Variants in TRIM77 observed in about 807,000 individuals in gnomAD.
TRIM77 encodes the protein tripartite motif-containing protein 77.
TRIM77 carries 23 observed loss-of-function variants against 31.8 expected under a neutral mutation model. That is an observed-to-expected ratio of 0.72 (90% CI 0.52 to 1.02). TRIM77 has a LOEUF of 1.02. Ranked by LOEUF, TRIM77 falls within the 50% of genes least tolerant of loss-of-function variation. The pLI, the probability that TRIM77 is intolerant of heterozygous loss-of-function variation, is 0.00. For missense variants in TRIM77, 446 were observed against 539.2 expected (o/e 0.83, Z 1.71); for synonymous variants, 159 against 183.1 (o/e 0.87, Z 1.06).
At chr11:89,715,790 C>G (rs1287383947) in intron 4 of TRIM77, 100 bp from the exon 5 acceptor site, 2 of 720,612 alleles carry the variant, frequency 2.8e-6, no homozygotes, top group Non-Finnish European at 4.6e-6. Flanking sequence ...AAGTCACACT[C>G]TTCAACCTAA....
intron 4 of TRIM77, 117 bp downstream of exon 4, chr11:89,715,297 C>A: frequency 1.0e-6 from 1 of 953,186 alleles, no homozygotes; most frequent in South Asian, 1.6e-5. Flanking sequence ...CCTTTCTTAT[C>A]AAAGGTCATC....
At position 89,717,417 on chromosome 11, in the gene TRIM77, A is replaced by T. The variant is rs766328763; in HGVS notation, c.898A>T (p.Lys300Ter). 103 of 1,551,122 alleles carry T rather than the reference A, an allele frequency of 6.6e-5. No homozygotes were observed. Among genetic ancestry groups the T allele is most frequent in the Non-Finnish European group, 8.6e-5 (99 of 1,146,790 alleles). ...GGATCGTAAGATATGCAGTAATCAC[A>T]AGCTTCTGTTCGAAGACCTAAGGCA... ...TLDRKICSNH[K>*]LLFEDLRHLQ... Residue 300 changes from lysine (K) to a stop codon, truncating the protein, a stop_gained, in exon 6 of 6, where the codon AAG (lysine) becomes TAG (stop). Coordinates refer to ENST00000398290, the MANE Select transcript of TRIM77 (RefSeq NM_001146162.1). LOFTEE classifies it low-confidence loss of function (END_TRUNC).
chr11:89,713,456 AATAATAATAAT>A (rs1565425770), intron 2 of TRIM77, among the ~76,000 whole-genome samples: 30 of 19,048 alleles, frequency 1.6e-3, no homozygotes, highest in South Asian at 0.01. Flanking sequence ...ACCTTGTCTC[AATAATAATAAT>A]AATAATAATA....
chr11:89,713,913 A>G (rs1482409750), intron 2 of TRIM77, among the ~76,000 whole-genome samples: 2 of 152,216 alleles, frequency 1.3e-5, no homozygotes, highest in Non-Finnish European at 2.9e-5. Context: ...AGGTTAGAAC[A>G]TTATATAAGA....
chr11:89,714,138 G>A (rs1378726576), intron 2 of TRIM77, 54 bp from the exon 3 acceptor site: 1 of 1,212,878 alleles, frequency 8.2e-7, no homozygotes, highest in East Asian at 2.5e-5. Flanking sequence ...TAGCTGATAA[G>A]GAAAGAATAA....
In TRIM77 at chr11:89,710,626, C is replaced by G; in HGVS notation, c.328C>G (p.Leu110Val). The G allele has an allele frequency of 6.4e-7, 1 of 1,551,302 alleles. No individual in the cohort carries two copies. The highest frequency in any genetic ancestry group is 8.7e-7 in the Non-Finnish European group (1 of 1,146,760). ...CCTCATCTGTGAAACTGATAGGAGC[C>G]TGCTGTGTTTTCTATGCTCTCAATC... ...KNLICETDRS[L>V]LCFLCSQSPR... The change falls in exon 1 of 6, where the codon CTG (leucine) becomes GTG (valine). Residue 110 changes from leucine (L) to valine (V), a missense_variant. This residue lies in a region of TRIM77 where 366 missense variants were observed against 447.9 expected (regional missense o/e 0.82). Transcript: ENST00000398290.
At chr11:89,710,845 A>C (rs1949117636) in intron 1 of TRIM77, 136 bp downstream of exon 1, 1 of 750,424 alleles carries the variant, frequency 1.3e-6, no homozygotes, top group Non-Finnish European at 2.1e-6. Context: ...ATGACCATAA[A>C]TTAGACACTG....
At chr11:89,717,233 G>A (rs376165421) in intron 5 of TRIM77, 146 bp from the exon 6 acceptor site, 2 of 763,346 alleles carry the variant, frequency 2.6e-6, no homozygotes, top group South Asian at 2.0e-5. Context: ...TTAGTGAGGT[G>A]GAAATATTCC....
intron 5 of TRIM77, among the ~76,000 whole-genome samples, chr11:89,716,221 A>G (rs1363241275): frequency 6.6e-6 from 1 of 152,034 alleles, no homozygotes; most frequent in East Asian, 1.9e-4. Flanking sequence ...GATTATTTTA[A>G]GTGATTAAAA....
chr11:89,717,025 A>G (rs1949166104), intron 5 of TRIM77, among the ~76,000 whole-genome samples: 2 of 151,732 alleles, frequency 1.3e-5, no homozygotes, highest in African/African-American at 4.9e-5. Context: ...TAGTTGCTTG[A>G]TTAAAGATTC....
In TRIM77 at chr11:89,710,365, A is replaced by G; in HGVS notation, c.67A>G (p.Thr23Ala). ...CTGCTCGATCTGCACAGACTATTTG[A>G]CAGACCCTGTCACCATTTGTTGTGG... ...LTCSICTDYL[T>A]DPVTICCGHR... The change falls in exon 1 of 6, where the codon ACA becomes GCA. Residue 23 changes from threonine to alanine, a missense_variant. Around this residue, in one of 3 missense-constraint regions of TRIM77, gnomAD observed 72 missense variants for 64.7 expected, o/e 1.11. Transcript: ENST00000398290. 1 of 1,552,006 alleles carries G rather than the reference A, an allele frequency of 6.4e-7. No homozygotes were observed. The highest frequency in any genetic ancestry group is 8.7e-7 in the Non-Finnish European group (1 of 1,146,998).
chr11:89,715,442 G>A (rs560438387), intron 4 of TRIM77, among the ~76,000 whole-genome samples: 4 of 152,086 alleles, frequency 2.6e-5, no homozygotes, highest in Non-Finnish European at 4.4e-5. Context: ...ATTATTTGAA[G>A]GTTATTCCAG....
chr11:89,714,077 AG>A, intron 2 of TRIM77, 114 bp from the exon 3 acceptor site: 10 of 674,364 alleles, frequency 1.5e-5, no homozygotes, highest in Non-Finnish European at 2.2e-5. Flanking sequence ...GAAGTGGAAA[AG>A]CATTAAACTA....
chr11:89,714,477 C>A, intron 3 of TRIM77, 55 bp downstream of exon 3: 1 of 1,148,258 alleles, frequency 8.7e-7, no homozygotes, highest in Non-Finnish European at 1.2e-6. Context: ...GGAATCGTAT[C>A]TGCTAGAGTC....
In TRIM77 at chr11:89,714,487, C is replaced by G. The variant is rs1161180783; in HGVS notation, c.738+65C>G. ...GCTTGGGAATCGTATCTGCTAGAGT[C>G]TATATCCTTTTTGATCTATATTACT... On this transcript the variant is annotated intron_variant, in intron 3 of 5. Coordinates refer to ENST00000398290, the MANE Select transcript of TRIM77 (RefSeq NM_001146162.1). 1.5e-5 allele frequency: 16 copies of G among 1,088,598 alleles called. No individual in the cohort carries two copies. The East Asian group carries it at 3.9e-4, about 26-fold the overall frequency. 67.4% of individuals were successfully genotyped at this position (1,088,598 alleles called of 1,614,324 possible). A position where few individuals can be genotyped will look rare whatever the true frequency, so the allele number is the denominator to read the frequency against.
chr11:89,710,929 G>A (rs1949117893), intron 1 of TRIM77, among the ~76,000 whole-genome samples: 1 of 152,152 alleles, frequency 6.6e-6, no homozygotes, highest in South Asian at 2.1e-4. Context: ...CTCTTGGGCT[G>A]AGGGAGAAGA....
In TRIM77 at chr11:89,717,448, A is replaced by T; in HGVS notation, c.929A>T (p.Gln310Leu). 1 of 1,551,552 alleles carries T rather than the reference A, an allele frequency of 6.4e-7. No homozygotes were observed. ...CTGTTCGAAGACCTAAGGCATTTGCAGTGCAGCCTTGATGATACAGACATG... is the reference window on the plus strand; with the variant it reads ...CTGTTCGAAGACCTAAGGCATTTGCTGTGCAGCCTTGATGATACAGACATG... ...KLLFEDLRHLQCSLDDTDMSC... is the reference protein window; with the variant it reads ...KLLFEDLRHLLCSLDDTDMSC... Residue 310 changes from glutamine (Q) to leucine (L), a missense_variant, in exon 6 of 6, where the codon CAG (glutamine) becomes CTG (leucine). Physicochemically the swap from Gln to Leu is moderately radical, Grantham distance 113. Transcript: ENST00000398290.
intron 2 of TRIM77, among the ~76,000 whole-genome samples, chr11:89,712,117 A>C (rs1333928540): frequency 1.3e-5 from 2 of 152,202 alleles, no homozygotes; most frequent in African/African-American, 4.8e-5. Flanking sequence ...AATATGAATT[A>C]AGTACCTAAA....
rs1311870413 is a variant in TRIM77 at position 89,712,571 on chromosome 11, A to G, written c.507+1066A>G. On this transcript the variant is annotated intron_variant, in intron 2 of 5. Transcript: ENST00000398290. Reference sequence around the variant, plus strand: ...AAGAACCCATTTTCAGGGATAAGAAAGTGCAGAAGAAATGAATCAGTGGCT... The same window carrying G: ...AAGAACCCATTTTCAGGGATAAGAAGGTGCAGAAGAAATGAATCAGTGGCT... Among the ~76,000 whole-genome samples the G allele has an allele frequency of 2.0e-5, 3 of 152,338 alleles. No individual in the cohort carries two copies. In the East Asian group the frequency reaches 5.8e-4, roughly 29 times the overall value.
Sources: gnomAD v4.1 joint callset for allele counts (sites outside exome capture counted in the v4.1 genomes callset) on GRCh38, gnomAD v4.1.1 for gene constraint, gnomAD v4.1.1 regional missense constraint, MANE v1.5 for transcripts, NCBI Gene and HGNC (gene_info 2026-07-23, HGNC 2026-07-21) for gene names.